The following ASIC2 variants were observed in gnomAD, a reference collection of about 807,000 sequenced individuals.
ASIC2 encodes acid sensing ion channel subunit 2, also known as acid-sensing ion channel 2.
In ASIC2, 25 loss-of-function variants were observed where a neutral mutation model predicts 57.3. The ratio of observed to expected loss-of-function variants is 0.44; its 90% CI spans 0.32 to 0.61. The LOEUF is 0.61. Ranked by LOEUF, ASIC2 falls within the 20% of genes least tolerant of loss-of-function variation. The pLI is 0.06. For missense variants in ASIC2, 641 were observed against 738.1 expected (o/e 0.87, Z 1.52); for synonymous variants, 319 against 307.5 (o/e 1.04, Z -0.39).
chr17:33,896,590 C>T (rs1439850334), intron 1 of ASIC2, among the ~76,000 whole-genome samples: 1 of 152,186 alleles, frequency 6.6e-6, no homozygotes, highest in East Asian at 1.9e-4. Context: ...ATGCATTAGC[C>T]CAATGGCCTG....
chr17:33,677,224 G>A (rs1907854508), intron 1 of ASIC2, among the ~76,000 whole-genome samples: 1 of 152,158 alleles, frequency 6.6e-6, no homozygotes, highest in African/African-American at 2.4e-5. Context: ...ATGCCCTCTA[G>A]GACTTTCATA....
intron 1 of ASIC2, among the ~76,000 whole-genome samples, chr17:33,731,152 C>T (rs534035512): frequency 1.3e-5 from 2 of 152,202 alleles, no homozygotes; most frequent in Non-Finnish European, 2.9e-5. Context: ...ATTCTCACAC[C>T]TCAAGGGACC....
At chr17:33,146,281 TG>T (rs1344980649) in intron 1 of ASIC2, among the ~76,000 whole-genome samples, 1 of 152,206 alleles carries the variant, frequency 6.6e-6, no homozygotes, top group African/African-American at 2.4e-5. Flanking sequence ...GCTCTAGCTT[TG>T]GGGCTTGGAA....
chr17:34,044,114 ACACACACACACG>A (rs1050444072), intron 1 of ASIC2, among the ~76,000 whole-genome samples: 2 of 94,178 alleles, frequency 2.1e-5, no homozygotes, highest in South Asian at 3.5e-4. Context: ...ACACACACAC[ACACACACACACG>A]CACGCACACA....
intron 1 of ASIC2, among the ~76,000 whole-genome samples, chr17:33,337,923 G>A (rs373002459): frequency 8.8e-5 from 13 of 148,180 alleles, no homozygotes; most frequent in East Asian, 2.0e-4. Context: ...GGGCAAAGAA[G>A]GTGGAAGTGT....
intron 1 of ASIC2, among the ~76,000 whole-genome samples, chr17:33,840,591 A>C (rs565261373): frequency 1.3e-5 from 2 of 152,324 alleles, no homozygotes; most frequent in African/African-American, 4.8e-5. Flanking sequence ...GCTGTTAATC[A>C]AAGGTTTTAG....
At chr17:34,099,776 AAG>A (rs1424491718) in intron 1 of ASIC2, among the ~76,000 whole-genome samples, 11 of 75,516 alleles carry the variant, frequency 1.5e-4, no homozygotes, top group African/African-American at 5.3e-4. Flanking sequence ...GAAAGAAAGA[AAG>A]AAAGAAAGAA....
intron 1 of ASIC2, among the ~76,000 whole-genome samples, chr17:34,123,569 C>T (rs1055679439): frequency 6.6e-6 from 1 of 152,166 alleles, no homozygotes; most frequent in Non-Finnish European, 1.5e-5. Context: ...ACAATGACTG[C>T]ATAGGTGGTG....
At chr17:33,635,364 T>C (rs886856922) in intron 1 of ASIC2, among the ~76,000 whole-genome samples, 1 of 152,228 alleles carries the variant, frequency 6.6e-6, no homozygotes, top group African/African-American at 2.4e-5. Context: ...AACAGAAGTT[T>C]AGGTTAGGCA....
intron 1 of ASIC2, among the ~76,000 whole-genome samples, chr17:33,748,236 C>T (rs1014658694): frequency 6.6e-6 from 1 of 152,204 alleles, no homozygotes; most frequent in Non-Finnish European, 1.5e-5. Flanking sequence ...TTCCCTGATT[C>T]CTTGCAGCTT....
intron 1 of ASIC2, among the ~76,000 whole-genome samples, chr17:33,439,802 C>T (rs771171876): frequency 6.6e-6 from 1 of 152,134 alleles, no homozygotes; most frequent in Non-Finnish European, 1.5e-5. Flanking sequence ...GTTACAAGAC[C>T]TTGGCTGGCC....
At chr17:33,873,062 A>G (rs768852440) in intron 1 of ASIC2, among the ~76,000 whole-genome samples, 2 of 151,838 alleles carry the variant, frequency 1.3e-5, no homozygotes, top group Non-Finnish European at 2.9e-5. Context: ...CCAACGCAGA[A>G]CTCCTGGGCT....
intron 1 of ASIC2, among the ~76,000 whole-genome samples, chr17:33,535,646 G>A (rs977204726): frequency 1.8e-4 from 28 of 152,230 alleles, no homozygotes; most frequent in African/African-American, 6.7e-4. Context: ...ATCGCCTCCT[G>A]CCAATAGACA....
At chr17:33,634,053 A>C (rs996100452) in intron 1 of ASIC2, among the ~76,000 whole-genome samples, 1 of 152,136 alleles carries the variant, frequency 6.6e-6, no homozygotes, top group East Asian at 1.9e-4. Context: ...GCTAGACCAC[A>C]GCTTGAACTC....
intron 1 of ASIC2, among the ~76,000 whole-genome samples, chr17:33,727,591 A>ATC (rs1403020346): frequency 6.6e-6 from 1 of 151,844 alleles, no homozygotes; most frequent in Non-Finnish European, 1.5e-5. Flanking sequence ...CACCTTCCCC[A>ATC]TCTCTCTCTC....
intron 1 of ASIC2, among the ~76,000 whole-genome samples, chr17:34,151,116 A>AT (rs1390254379): frequency 4.1e-5 from 6 of 147,516 alleles, no homozygotes; most frequent in Non-Finnish European, 7.5e-5. Context: ...AAAAAAAAAA[A>AT]AAAAAAAAAT....
At chr17:33,096,690 C>T (rs1201919630) in intron 2 of ASIC2, among the ~76,000 whole-genome samples, 3 of 152,154 alleles carry the variant, frequency 2.0e-5, no homozygotes, top group Non-Finnish European at 4.4e-5. Flanking sequence ...AGAAGTGATG[C>T]AGAGGAAGGG....
At chr17:33,809,869 C>A (rs540426006) in intron 1 of ASIC2, among the ~76,000 whole-genome samples, 1 of 152,330 alleles carries the variant, frequency 6.6e-6, no homozygotes, top group African/African-American at 2.4e-5. Flanking sequence ...CCTGCTGAAC[C>A]TGAACTAGGT....
upstream of ASIC2, among the ~76,000 whole-genome samples, chr17:33,296,629 A>G (rs1029076628): frequency 2.0e-5 from 3 of 152,178 alleles, no homozygotes; most frequent in South Asian, 2.1e-4. Context: ...CAGTGGCAGG[A>G]AAGTCTTCTG....
Sources: gnomAD v4.1 joint callset for allele counts (sites outside exome capture counted in the v4.1 genomes callset) on GRCh38, gnomAD v4.1.1 for gene constraint, MANE v1.5 for transcripts, NCBI Gene and HGNC (gene_info 2026-07-23, HGNC 2026-07-21) for gene names.